The following EZH1 variants were observed in gnomAD, a reference collection of about 807,000 sequenced individuals.
EZH1 encodes enhancer of zeste 1 polycomb repressive complex 2 subunit.
A neutral mutation model predicts 100.5 loss-of-function variants in EZH1; 33 were observed. The observed-to-expected ratio is 0.33, with a 90% CI of 0.25 to 0.44. The LOEUF is 0.44. Ranked by LOEUF, EZH1 falls within the 20% of genes least tolerant of loss-of-function variation. EZH1 has a pLI of 1.00. For missense variants in EZH1, 475 were observed against 928.4 expected (o/e 0.51, Z 6.35); for synonymous variants, 272 against 313.8 (o/e 0.87, Z 1.41).
chr17:42,707,615 G>T (rs2053384921), intron 15 of EZH1, among the ~76,000 whole-genome samples: 1 of 152,100 alleles, frequency 6.6e-6, no homozygotes, highest in Non-Finnish European at 1.5e-5. Context: ...CGCTGGTCTT[G>T]AACTCCTGAC....
At chr17:42,738,883 CCCT>C (rs1445291215) in intron 1 of EZH1, among the ~76,000 whole-genome samples, 1 of 151,766 alleles carries the variant, frequency 6.6e-6, no homozygotes, top group East Asian at 1.9e-4. Flanking sequence ...CCTCCACCCC[CCCT>C]GAGTAGCTGG....
rs948685761 is a variant in EZH1 at position 42,702,663 on chromosome 17, C to T, written c.2184-71G>A. 18 of 1,462,346 alleles carry T rather than the reference C, an allele frequency of 1.2e-5. No individual in the cohort carries two copies. The African/African-American group carries it at 2.5e-4, about 20-fold the overall frequency. 90.6% of individuals were successfully genotyped at this position (1,462,346 alleles called of 1,614,324 possible). ...TGTGATTGAAAAGGCGGAGTCCCCT[C>T]CCGTTTCACTTCCCCTCCCACTCCT... On this transcript the variant is annotated intron_variant, in intron 20 of 20. Coordinates refer to ENST00000428826, the MANE Select transcript of EZH1 (RefSeq NM_001991.5).
chr17:42,715,861 A>G (rs1235021685), intron 10 of EZH1, among the ~76,000 whole-genome samples: 1 of 152,176 alleles, frequency 6.6e-6, no homozygotes, highest in African/African-American at 2.4e-5. Context: ...AGCCTGACCA[A>G]CACAGAGAAA....
chr17:42,743,386 G>T (rs1039042806), intron 1 of EZH1, among the ~76,000 whole-genome samples: 1 of 149,580 alleles, frequency 6.7e-6, no homozygotes, highest in Non-Finnish European at 1.5e-5. Flanking sequence ...GCCCAGGCTG[G>T]TCTCAAACTC....
At chr17:42,717,218 C>T (rs1481819498) in intron 10 of EZH1, among the ~76,000 whole-genome samples, 1 of 152,140 alleles carries the variant, frequency 6.6e-6, no homozygotes, top group Non-Finnish European at 1.5e-5. Context: ...AGTCAATACA[C>T]ATTAGGAAAA....
intron 10 of EZH1, chr17:42,714,304 C>A: frequency 4.2e-6 from 1 of 239,074 alleles, no homozygotes; most frequent in South Asian, 6.3e-5. Flanking sequence ...TCAGAATGGT[C>A]CAGCATTTGA....
chr17:42,725,816 T>C (rs886855787), intron 4 of EZH1, among the ~76,000 whole-genome samples: 1 of 152,186 alleles, frequency 6.6e-6, no homozygotes, highest in Non-Finnish European at 1.5e-5. Context: ...AGAAGCAAAG[T>C]GGTATAGAAA....
At chr17:42,720,691 G>A (rs980700873) in intron 6 of EZH1, among the ~76,000 whole-genome samples, 3 of 151,950 alleles carry the variant, frequency 2.0e-5, no homozygotes, top group East Asian at 1.9e-4. Context: ...ACGGAGTTTC[G>A]CCTTATTGCC....
At chr17:42,723,337 TG>T (rs1337755215) in intron 5 of EZH1, among the ~76,000 whole-genome samples, 1 of 150,888 alleles carries the variant, frequency 6.6e-6, no homozygotes, top group Non-Finnish European at 1.5e-5. Flanking sequence ...ATCGCGCCAC[TG>T]TACTCCAGCC....
chr17:42,722,625 C>CAAAAAAAA (rs11298431), intron 6 of EZH1, among the ~76,000 whole-genome samples, 170 bp downstream of exon 6: 1 of 104,132 alleles, frequency 9.6e-6, no homozygotes, highest in Non-Finnish European at 1.9e-5. Context: ...AACTCCGTCT[C>CAAAAAAAA]AAAAAAAAAA....
chr17:42,732,949 C>T (rs2053981065), intron 1 of EZH1, among the ~76,000 whole-genome samples: 1 of 148,270 alleles, frequency 6.7e-6, no homozygotes, highest in South Asian at 2.1e-4. Context: ...GAGACTCTGT[C>T]ACGTGCAATG....
Position 42,703,772 on chromosome 17 carries a change from T to C in EZH1, c.2066A>G (p.Asn689Ser). ...TRKGNKIRFA[N>S]HSVNPNCYAK... The stretch of plus-strand genomic sequence containing the variant: ...ATAACAGTTGGGATTCACTGAATGA[T>C]TTGCAAATCGAATTTTGTTTCCTTT... Residue 689 changes from asparagine (N) to serine (S), a missense_variant, in exon 19 of 21, where the codon AAT (asparagine) becomes AGT (serine). Asn to Ser is a conservative substitution (Grantham distance 46, BLOSUM62 1). This residue lies in a region of EZH1 where 49 missense variants were observed against 164.2 expected (regional missense o/e 0.30). Coordinates refer to ENST00000428826, the MANE Select transcript of EZH1 (RefSeq NM_001991.5). 6.2e-7 allele frequency: 1 copy of C among 1,614,122 alleles called. No homozygotes were observed. Among genetic ancestry groups the C allele is most frequent in the Non-Finnish European group, 8.5e-7 (1 of 1,179,984 alleles).
chr17:42,716,681 G>A (rs560727600), intron 10 of EZH1, among the ~76,000 whole-genome samples: 1 of 152,060 alleles, frequency 6.6e-6, no homozygotes, highest in South Asian at 2.1e-4. Flanking sequence ...TTTTTTTAAG[G>A]ATGAAGTAAT....
chr17:42,719,992 T>C (rs1210872887), intron 7 of EZH1, among the ~76,000 whole-genome samples: 1 of 152,194 alleles, frequency 6.6e-6, no homozygotes, highest in Non-Finnish European at 1.5e-5. Context: ...AAAAGGGATA[T>C]AAAATTTGAT....
intron 1 of EZH1, among the ~76,000 whole-genome samples, chr17:42,743,460 C>T (rs1403427310): frequency 1.3e-5 from 2 of 150,438 alleles, no homozygotes; most frequent in African/African-American, 2.4e-5. Context: ...CATGAGCCAC[C>T]GTGCCAGGCT....
intron 1 of EZH1, among the ~76,000 whole-genome samples, chr17:42,737,218 T>C (rs2054082479): frequency 6.6e-6 from 1 of 152,138 alleles, no homozygotes; most frequent in Admixed American, 6.5e-5. Context: ...ACTCCTGACC[T>C]CAGGTGATCC....
chr17:42,711,902 AGCAGCT>A (rs1248806203), intron 12 of EZH1, among the ~76,000 whole-genome samples: 3 of 151,924 alleles, frequency 2.0e-5, no homozygotes, highest in East Asian at 1.9e-4. Flanking sequence ...CAGCAGCTGC[AGCAGCT>A]GCAGCAGCAG....
chr17:42,730,812 A>G lies in EZH1; in HGVS notation c.-12+16T>C. ...CGCCCGGCCAAGAAGTATGTATTCT[A>G]ATATACTTTACCTACCTTATAGAAT... is the stretch of plus-strand genomic sequence containing the variant. On this transcript the variant is annotated intron_variant, in intron 2 of 20. Coordinates refer to ENST00000428826, the MANE Select transcript of EZH1 (RefSeq NM_001991.5). 1.0e-6 allele frequency: 1 copy of G among 979,736 alleles called. No homozygotes were observed. The highest frequency in any genetic ancestry group is 1.2e-6 in the Non-Finnish European group (1 of 824,776). 60.7% of individuals were successfully genotyped at this position (979,736 alleles called of 1,614,324 possible). A position where few individuals can be genotyped will look rare whatever the true frequency, so the allele number is the denominator to read the frequency against.
chr17:42,714,461 G>A (rs1472611062), intron 10 of EZH1: 4 of 305,476 alleles, frequency 1.3e-5, no homozygotes, highest in Non-Finnish European at 2.6e-5. Context: ...ACTTCGGGGG[G>A]TTTGTGCTAT....
Sources: allele counts gnomAD v4.1 joint callset (sites outside exome capture counted in the v4.1 genomes callset), GRCh38; gene constraint gnomAD v4.1.1; regional missense constraint gnomAD v4.1.1; transcripts MANE v1.5; gene names NCBI Gene and HGNC (gene_info 2026-07-23, HGNC 2026-07-21).